Variants in LDB2 observed in about 807,000 individuals in gnomAD.
LDB2 encodes LIM domain binding 2, also known as LIM domain-binding protein 2.
Under a neutral mutation model 44.3 loss-of-function variants are expected in LDB2, and 12 were observed. The observed-to-expected ratio is 0.27, with a 90% CI of 0.17 to 0.44. The LOEUF is 0.44. Ranked by LOEUF, LDB2 falls within the 20% of genes least tolerant of loss-of-function variation. LDB2 has a pLI of 1.00. For missense variants in LDB2, 344 were observed against 473.5 expected, an observed-to-expected ratio of 0.73 and a Z score of 2.54; for synonymous variants, 164 against 174.8, an observed-to-expected ratio of 0.94 and a Z score of 0.49.
chr4:16,526,013 A>G (rs1728107622), intron 5 of LDB2, among the ~76,000 whole-genome samples: 1 of 152,208 alleles, frequency 6.6e-6, no homozygotes, highest in Non-Finnish European at 1.5e-5. Context: ...ATATAATGAC[A>G]AGGGTACTGT....
At position 16,547,000 on chromosome 4, in the gene LDB2, C is replaced by CAAGT. The variant is rs144683272; in HGVS notation, c.616-34900_616-34897dup. Among the ~76,000 whole-genome samples the CAAGT allele has an allele frequency of 2.1e-3, 323 of 152,306 alleles. 3 individuals are homozygous for CAAGT. Among genetic ancestry groups the CAAGT allele is most frequent in the African/African-American group, 7.2e-3 (300 of 41,560 alleles). Reference sequence around the variant, plus strand: ...ATAATGTCCTCCCAAAAGATACACCCAAGTCCTAACTCTGGAAACTGTGAG... The same window carrying CAAGT: ...ATAATGTCCTCCCAAAAGATACACCCAAGTAAGTCCTAACTCTGGAAACTGTGAG... On this transcript the variant is annotated intron_variant, in intron 5 of 7. Transcript: ENST00000304523.
intron 2 of LDB2, among the ~76,000 whole-genome samples, chr4:16,696,946 A>T (rs1470176294): frequency 1.3e-5 from 2 of 152,146 alleles, no homozygotes; most frequent in African/African-American, 4.8e-5. Context: ...TTCTAATATC[A>T]GCCAGATCCA....
chr4:16,592,475 T>TAC, intron 3 of LDB2, among the ~76,000 whole-genome samples: 1 of 118,956 alleles, frequency 8.4e-6, no homozygotes, highest in South Asian at 2.8e-4. Context: ...CATATATATA[T>TAC]ATATATATAT....
intron 1 of LDB2, among the ~76,000 whole-genome samples, chr4:16,855,323 C>CA (rs1363957919): frequency 6.6e-6 from 1 of 152,106 alleles, no homozygotes; most frequent in Non-Finnish European, 1.5e-5. Flanking sequence ...ACCATGCACT[C>CA]AGAGTTTTAC....
intron 2 of LDB2, among the ~76,000 whole-genome samples, chr4:16,721,116 G>A (rs1758179066): frequency 6.6e-6 from 1 of 152,110 alleles, no homozygotes; most frequent in Admixed American, 6.5e-5. Context: ...TTTTTAAACT[G>A]TTGATAAAAC....
intron 1 of LDB2, among the ~76,000 whole-genome samples, chr4:16,837,059 G>A (rs1231189992): frequency 6.6e-6 from 1 of 152,198 alleles, no homozygotes; most frequent in African/African-American, 2.4e-5. Context: ...TGTAGACCCT[G>A]AATGCAAAGT....
chr4:16,566,756 C>T (rs922161785), intron 5 of LDB2, among the ~76,000 whole-genome samples: 3 of 152,074 alleles, frequency 2.0e-5, no homozygotes, highest in Non-Finnish European at 4.4e-5. Context: ...TAGTATATCA[C>T]AGCAAAGTTG....
rs1054921956 is a variant in LDB2, at chr4:16,533,349, A to T, written c.616-21245T>A. ...TAAAAAACCATTCATGTCTGCAAAA[A>T]TGGAAATAATAATAGCTACCTCATG... is the stretch of plus-strand genomic sequence containing the variant. On this transcript the variant is annotated intron_variant, in intron 5 of 7. Transcript: ENST00000304523. The surrounding 1 kb of genome is among the most constrained non-coding windows in gnomAD (Gnocchi z 4.1). Among the ~76,000 whole-genome samples the T allele has an allele frequency of 3.3e-5, 5 of 152,232 alleles. No individual in the cohort carries two copies. The South Asian group carries it at 1.0e-3, about 31-fold the overall frequency.
chr4:16,881,611 T>G (rs1720140456), intron 1 of LDB2, among the ~76,000 whole-genome samples: 1 of 151,062 alleles, frequency 6.6e-6, no homozygotes, highest in African/African-American at 2.4e-5. Context: ...CCTTTTTTTT[T>G]TTTTTTTTAA....
At chr4:16,675,603 G>C (rs1746076352) in intron 2 of LDB2, among the ~76,000 whole-genome samples, 1 of 151,490 alleles carries the variant, frequency 6.6e-6, no homozygotes, top group Admixed American at 6.6e-5. Flanking sequence ...CCCTTAATTG[G>C]TTGCAAAAAT....
intron 2 of LDB2, among the ~76,000 whole-genome samples, chr4:16,598,387 AC>A (rs1560588918): frequency 6.6e-6 from 1 of 152,036 alleles, no homozygotes; most frequent in Non-Finnish European, 1.5e-5. Context: ...CCAGCCAGCA[AC>A]CCCAGCTGAG....
At chr4:16,516,935 T>G (rs1022465984) in intron 5 of LDB2, among the ~76,000 whole-genome samples, 2 of 152,214 alleles carry the variant, frequency 1.3e-5, no homozygotes, top group African/African-American at 4.8e-5. Context: ...AAATGAGGCT[T>G]CTTCTCTGCT....
At chr4:16,658,536 T>C (rs1367411449) in intron 2 of LDB2, among the ~76,000 whole-genome samples, 1 of 127,582 alleles carries the variant, frequency 7.8e-6, no homozygotes, top group Non-Finnish European at 1.7e-5. Context: ...ACAATGTTTC[T>C]AGATCTGATT....
At chr4:16,508,880 CTCTTT>C (rs1219545994) in intron 6 of LDB2, among the ~76,000 whole-genome samples, 194 bp from the exon 7 acceptor site, 2 of 152,204 alleles carry the variant, frequency 1.3e-5, no homozygotes, top group East Asian at 1.9e-4. Flanking sequence ...ATATGTGACA[CTCTTT>C]TCTTTGTGTG....
At chr4:16,786,529 C>A (rs1220380576) in intron 1 of LDB2, among the ~76,000 whole-genome samples, 1 of 152,112 alleles carries the variant, frequency 6.6e-6, no homozygotes, top group African/African-American at 2.4e-5. Context: ...GGAATGCAAA[C>A]TGGTCCTACC....
chr4:16,801,944 C>T (rs1263103896), intron 1 of LDB2, among the ~76,000 whole-genome samples: 3 of 152,216 alleles, frequency 2.0e-5, no homozygotes, highest in Non-Finnish European at 4.4e-5. Flanking sequence ...TTCCAGAATC[C>T]TCTAACTCCT....
At chr4:16,591,577 T>C (rs1718965402) in intron 3 of LDB2, among the ~76,000 whole-genome samples, 1 of 152,220 alleles carries the variant, frequency 6.6e-6, no homozygotes, top group Non-Finnish European at 1.5e-5. Context: ...TTTTGGTCAC[T>C]GCTGGTCTTC....
chr4:16,645,373 A>G (rs923350717), intron 2 of LDB2, among the ~76,000 whole-genome samples: 3 of 151,288 alleles, frequency 2.0e-5, no homozygotes, highest in African/African-American at 4.9e-5. Flanking sequence ...CGTCTCTACT[A>G]AAAATGCAAA....
intron 3 of LDB2, among the ~76,000 whole-genome samples, chr4:16,594,096 T>C (rs1560576732): frequency 6.6e-6 from 1 of 152,072 alleles, no homozygotes; most frequent in East Asian, 1.9e-4. Context: ...TGGATTTTTT[T>C]TTTCCCCTTA....
Sources: allele counts gnomAD v4.1 joint callset (sites outside exome capture counted in the v4.1 genomes callset), GRCh38; gene constraint gnomAD v4.1.1; non-coding constraint Gnocchi (gnomAD v3.1); transcripts MANE v1.5; gene names NCBI Gene and HGNC (gene_info 2026-07-23, HGNC 2026-07-21).